Variants in COL6A6 observed in about 807,000 individuals in gnomAD.
COL6A6 encodes the protein collagen type VI alpha 6 chain.
Under a neutral mutation model 208.6 loss-of-function variants are expected in COL6A6, and 183 were observed. That is an observed-to-expected ratio of 0.88 (90% confidence interval 0.78 to 0.99). The LOEUF (loss-of-function observed/expected upper bound fraction) is 0.99, where lower values mean the gene tolerates loss of function less well. Among genes scored for constraint, COL6A6 ranks in the 50% least tolerant of loss-of-function variants. COL6A6 has a pLI of 0.00. For missense variants in COL6A6, 2,816 were observed against 2,815.2 expected (o/e 1.00, Z -0.01); for synonymous variants, 973 against 1,011.8 (o/e 0.96, Z 0.73).
intron 5 of COL6A6, 74 bp downstream of exon 5, chr3:130,567,336 G>A: frequency 8.5e-7 from 1 of 1,176,092 alleles, no homozygotes; most frequent in Admixed American, 2.5e-5. Context: ...GACATTGCTG[G>A]TTTAGAAAAA....
chr3:130,586,769 G>A (rs1314687221), intron 11 of COL6A6, 109 bp downstream of exon 11: 2 of 1,126,464 alleles, frequency 1.8e-6, no homozygotes, highest in East Asian at 5.2e-5. Flanking sequence ...TGGGAGTGAA[G>A]AAAGGTTTTT....
At chr3:130,573,516 CATAAG>C (rs2063214864) in intron 7 of COL6A6, among the ~76,000 whole-genome samples, 1 of 151,524 alleles carries the variant, frequency 6.6e-6, no homozygotes, top group East Asian at 1.9e-4. Flanking sequence ...CACATGCTAG[CATAAG>C]ATAAGAAACC....
chr3:130,636,410 C>G (rs930212637), intron 28 of COL6A6, among the ~76,000 whole-genome samples: 13 of 152,156 alleles, frequency 8.5e-5, no homozygotes, highest in Admixed American at 3.3e-4. Flanking sequence ...CTCTATATAT[C>G]TTAGACTGTG....
At chr3:130,516,762 T>A (rs372241733), upstream of COL6A6, among the ~76,000 whole-genome samples, 44 of 152,146 alleles carry the variant, frequency 2.9e-4, 3 homozygotes, top group South Asian at 7.9e-3. Flanking sequence ...ACCCAAAGAC[T>A]CTCTCTGGCT....
chr3:130,537,666 A>G (rs1365422049), intron 1 of COL6A6, among the ~76,000 whole-genome samples: 1 of 152,350 alleles, frequency 6.6e-6, no homozygotes, highest in East Asian at 1.9e-4. Context: ...TGGGATATTC[A>G]AGAGTACCAG....
At chr3:130,670,024 C>T (rs1208695862) in intron 36 of COL6A6, among the ~76,000 whole-genome samples, 1 of 152,228 alleles carries the variant, frequency 6.6e-6, no homozygotes, top group East Asian at 1.9e-4. Context: ...GCCAGGGAGG[C>T]ACTCCTAATG....
At chr3:130,566,147 C>T (rs1364293513) in intron 4 of COL6A6, among the ~76,000 whole-genome samples, 2 of 152,164 alleles carry the variant, frequency 1.3e-5, no homozygotes, top group Non-Finnish European at 2.9e-5. Flanking sequence ...TTCATATATA[C>T]ACTTATAAAT....
In COL6A6 at chr3:130,675,324, A is replaced by G; in HGVS notation, c.6719A>G (p.Asn2240Ser). 1 of 1,600,242 alleles carries G rather than the reference A, an allele frequency of 6.2e-7. No individual in the cohort carries two copies. The highest frequency in any genetic ancestry group is 8.5e-7 in the Non-Finnish European group (1 of 1,172,582). ...AGTGGCAGAGATGATGCTATTCAAAATTTTATGAGAAGCACCTCCCATACC... is the reference window on the plus strand; with the variant it reads ...AGTGGCAGAGATGATGCTATTCAAAGTTTTATGAGAAGCACCTCCCATACC... Reference protein sequence around the residue: ...ARSGRDDAIQNFMRSTSHTFK... With the variant: ...ARSGRDDAIQSFMRSTSHTFK... Residue 2240 changes from asparagine (N) to serine (S), a missense_variant, in exon 37 of 37, where the codon AAT becomes AGT. Transcript: ENST00000358511.
intron 8 of COL6A6, among the ~76,000 whole-genome samples, chr3:130,577,112 G>A (rs1369965026): frequency 1.3e-5 from 2 of 152,154 alleles, no homozygotes; most frequent in Admixed American, 6.5e-5. Flanking sequence ...GAGCATCTAC[G>A]AAGGGTCAAG....
Position 130,642,821 on chromosome 3 carries a change from T to C in COL6A6, c.5155-11T>C. 1 of 1,613,274 alleles carries C rather than the reference T, an allele frequency of 6.2e-7. No individual in the cohort carries two copies. Among genetic ancestry groups the C allele is most frequent in the South Asian group, 1.1e-5 (1 of 91,034 alleles). On this transcript the variant is annotated splice_polypyrimidine_tract_variant and intron_variant, in intron 29 of 36. Coordinates refer to ENST00000358511, the MANE Select transcript of COL6A6 (RefSeq NM_001102608.3). ...AGAGGCATTAAAACAATGTTTTGTTTGTTTTCCTAGGGTGTGAAAGGAGCC... is the reference window on the plus strand; with the variant it reads ...AGAGGCATTAAAACAATGTTTTGTTCGTTTTCCTAGGGTGTGAAAGGAGCC...
chr3:130,617,818 T>C (rs1450123881), intron 23 of COL6A6, among the ~76,000 whole-genome samples: 1 of 152,204 alleles, frequency 6.6e-6, no homozygotes, highest in Non-Finnish European at 1.5e-5. Context: ...CTGTACCTCT[T>C]CTACCCTGCC....
At chr3:130,577,840 G>C (rs569512682) in intron 8 of COL6A6, among the ~76,000 whole-genome samples, 1 of 152,322 alleles carries the variant, frequency 6.6e-6, no homozygotes, top group East Asian at 1.9e-4. Context: ...ATAGCACGTT[G>C]CTGAGAGTAC....
In COL6A6 at chr3:130,565,368, G is replaced by A. The variant is rs2062992696; in HGVS notation, c.1036G>A (p.Asp346Asn). ...GCTGGTGACCCACCGAGATTCAGAA[G>A]ACAACGTGACAAAAGCAGCTGTTAA... The part of the protein sequence containing the change: ...AVLVTHRDSE[D>N]NVTKAAVNLR... Residue 346 changes from aspartate to asparagine, a missense_variant, in exon 4 of 37, where the codon GAC becomes AAC. By Grantham distance (23) the Asp-to-Asn change is conservative. Coordinates refer to ENST00000358511, the MANE Select transcript of COL6A6 (RefSeq NM_001102608.3). 1.2e-6 allele frequency: 2 copies of A among 1,613,866 alleles called. No homozygotes were observed. Among genetic ancestry groups the A allele is most frequent in the African/African-American group, 1.3e-5 (1 of 74,930 alleles).
chr3:130,545,001 C>A (rs1013705596), intron 1 of COL6A6, among the ~76,000 whole-genome samples: 2 of 152,140 alleles, frequency 1.3e-5, no homozygotes, highest in African/African-American at 4.8e-5. Flanking sequence ...CTTTGCTGTG[C>A]TGAAACATTT....
intron 28 of COL6A6, among the ~76,000 whole-genome samples, chr3:130,641,093 CAG>C (rs1270532529): frequency 1.3e-5 from 2 of 152,190 alleles, no homozygotes; most frequent in Admixed American, 6.6e-5. Flanking sequence ...CAGTAACTGA[CAG>C]AATTGAATTC....
At chr3:130,671,892 C>T (rs2066226670) in intron 36 of COL6A6, among the ~76,000 whole-genome samples, 2 of 152,184 alleles carry the variant, frequency 1.3e-5, no homozygotes, top group Admixed American at 1.3e-4. Flanking sequence ...GGCAGAAAGC[C>T]ACCTGTTTAT....
chr3:130,532,669 T>A (rs1325736786), intron 1 of COL6A6, among the ~76,000 whole-genome samples: 1 of 152,262 alleles, frequency 6.6e-6, no homozygotes, highest in African/African-American at 2.4e-5. Context: ...TCTTACTTTA[T>A]GCACCAGTTA....
At chr3:130,543,623 A>C (rs952164406) in intron 1 of COL6A6, among the ~76,000 whole-genome samples, 1 of 152,196 alleles carries the variant, frequency 6.6e-6, no homozygotes, top group African/African-American at 2.4e-5. Flanking sequence ...GGCAAGTAAG[A>C]TATAATAATT....
At chr3:130,526,535 T>C (rs1056531978) in intron 1 of COL6A6, among the ~76,000 whole-genome samples, 1 of 152,176 alleles carries the variant, frequency 6.6e-6, no homozygotes, top group Non-Finnish European at 1.5e-5. Flanking sequence ...CTCTGATTGC[T>C]GTGTGAAGGA....
Sources: gnomAD v4.1 joint callset for allele counts (sites outside exome capture counted in the v4.1 genomes callset) on GRCh38, gnomAD v4.1.1 for gene constraint, MANE v1.5 for transcripts, NCBI Gene and HGNC (gene_info 2026-07-23, HGNC 2026-07-21) for gene names.